Variants in ENTPD4 observed in about 807,000 individuals in gnomAD.
The protein encoded by ENTPD4 is Golgi UDPase.
Under a neutral mutation model 79.1 loss-of-function variants are expected in ENTPD4, and 60 were observed. That is an observed-to-expected ratio of 0.76 (90% CI 0.62 to 0.94). ENTPD4 has a LOEUF of 0.94. ENTPD4 is among the 40% of genes least tolerant of loss of function. ENTPD4 has a pLI of 0.00. For synonymous variants in ENTPD4, 276 were observed against 292.0 expected (o/e 0.95, Z 0.56); for missense variants, 772 against 775.1 (o/e 1.00, Z 0.05).
chr8:23,455,421 T>C (rs541050907), intron 1 of ENTPD4, among the ~76,000 whole-genome samples: 6 of 152,310 alleles, frequency 3.9e-5, no homozygotes, highest in African/African-American at 1.2e-4. Context: ...AAGAAACAAC[T>C]GTCTTTCTGA....
At chr8:23,440,172 A>C in intron 8 of ENTPD4, 1 of 370,272 alleles carries the variant, frequency 2.7e-6, no homozygotes, top group South Asian at 5.4e-5. Context: ...CCTCTGACAT[A>C]ATTTATTTCT....
At chr8:23,433,841 C>G (rs1800506422) in intron 12 of ENTPD4, among the ~76,000 whole-genome samples, 1 of 152,172 alleles carries the variant, frequency 6.6e-6, no homozygotes, top group African/African-American at 2.4e-5. Flanking sequence ...ACAGAAAGTG[C>G]TAATTCTGCT....
At chr8:23,434,120 G>A (rs944014846) in intron 12 of ENTPD4, 197 bp downstream of exon 12, 25 of 626,684 alleles carry the variant, frequency 4.0e-5, no homozygotes, top group Admixed American at 1.2e-4. Context: ...TGTGTATTAC[G>A]GGATGGTAGG....
Position 23,450,010 on chromosome 8 carries a change from G to T in ENTPD4, c.-97-13C>A. 1.5e-6 allele frequency: 2 copies of T among 1,376,638 alleles called. No homozygotes were observed. The highest frequency in any genetic ancestry group is 1.2e-5 in the South Asian group (1 of 85,470). 85.3% of individuals were successfully genotyped at this position (1,376,638 alleles called of 1,614,324 possible). ...AGTTAGAGCCCTCCTGTTCCAGGAA[G>T]TGAGACAAATCACAAAGATAGCATC... is the stretch of plus-strand genomic sequence containing the variant. On this transcript the variant is annotated splice_polypyrimidine_tract_variant and intron_variant, in intron 1 of 12. Coordinates refer to ENST00000358689, the MANE Select transcript of ENTPD4 (RefSeq NM_004901.5).
intron 1 of ENTPD4, among the ~76,000 whole-genome samples, chr8:23,456,633 A>G (rs1406470056): frequency 6.6e-6 from 1 of 152,238 alleles, no homozygotes; most frequent in Non-Finnish European, 1.5e-5. Context: ...GAAATAAACG[A>G]TTCAACTACA....
rs145439408 is a variant in ENTPD4, at chr8:23,449,624, C to G, written c.8+269G>C. On this transcript the variant is annotated intron_variant, in intron 2 of 12. Transcript: ENST00000358689. ...CTCAGTTTATGTCAAGAATGAGAGG[C>G]TCATTCTAGAAATATGATTAGGATT... Among the ~76,000 whole-genome samples the G allele has an allele frequency of 2.1e-4, 32 of 152,300 alleles. No individual in the cohort carries two copies. In the East Asian group the frequency reaches 5.4e-3, roughly 26 times the overall value.
In ENTPD4 at chr8:23,430,218, C is replaced by T. The variant is rs1800431018; in HGVS notation, c.*2708G>A. The T allele has an allele frequency of 1.1e-5, 11 of 985,282 alleles. No individual in the cohort carries two copies. The highest frequency in any genetic ancestry group is 4.7e-5 in the South Asian group (1 of 21,288). 61.0% of individuals were successfully genotyped at this position (985,282 alleles called of 1,614,324 possible). A position where few individuals can be genotyped will look rare whatever the true frequency, so the allele number is the denominator to read the frequency against. ...ACCTTCTCTGGAATGTGATTTGCTG[C>T]GACTGCAGACATCTCCATACGGCAT... On this transcript the variant is annotated 3_prime_UTR_variant, in exon 13 of 13. Transcript: ENST00000358689.
chr8:23,440,831 T>G (rs1214955735), intron 8 of ENTPD4, among the ~76,000 whole-genome samples: 1 of 152,204 alleles, frequency 6.6e-6, no homozygotes, highest in African/African-American at 2.4e-5. Flanking sequence ...GTACATGACT[T>G]GCACAAGGTC....
rs532795403 is a variant in ENTPD4 at position 23,434,530 on chromosome 8, G to GGC, written c.1461-54_1461-53dup. 4.2e-4 allele frequency: 665 copies of GGC among 1,600,488 alleles called. 3 individuals are homozygous for GGC. In the African/African-American group the frequency reaches 8.1e-3, roughly 19 times the overall value. On this transcript the variant is annotated intron_variant, in intron 11 of 12. Coordinates refer to ENST00000358689, the MANE Select transcript of ENTPD4 (RefSeq NM_004901.5). The stretch of plus-strand genomic sequence containing the variant: ...TCAGACTGACTCACTCTGTCAAGAT[G>GGC]GCACACACACACACACACACACAAT...
At chr8:23,434,531 GCACACACACA>G (rs139348326) in intron 11 of ENTPD4, 53 bp from the exon 12 acceptor site, 1 of 1,020,976 alleles carries the variant, frequency 9.8e-7, no homozygotes, top group South Asian at 1.5e-5. Context: ...TGTCAAGATG[GCACACACACA>G]CACACACACA....
At position 23,430,558 on chromosome 8, in the gene ENTPD4, T is replaced by C; in HGVS notation, c.*2368A>G. The C allele has an allele frequency of 1.0e-6, 1 of 984,144 alleles. No homozygotes were observed. 61.0% of individuals were successfully genotyped at this position (984,144 alleles called of 1,614,324 possible). A position where few individuals can be genotyped will look rare whatever the true frequency, so the allele number is the denominator to read the frequency against. On this transcript the variant is annotated 3_prime_UTR_variant, in exon 13 of 13. Coordinates refer to ENST00000358689, the MANE Select transcript of ENTPD4 (RefSeq NM_004901.5). ...AATATTCTAGGCTTTACAGGCCACA[T>C]ATAGTGTCTGCTGCATATTCTTCAA... is the stretch of plus-strand genomic sequence containing the variant.
Position 23,429,985 on chromosome 8 carries a change from T to C in ENTPD4, c.*2941A>G, listed in dbSNP as rs1219406392. 1 of 985,386 alleles carries C rather than the reference T, an allele frequency of 1.0e-6. No homozygotes were observed. Among genetic ancestry groups the C allele is most frequent in the African/African-American group, 1.7e-5 (1 of 57,260 alleles). 61.0% of individuals were successfully genotyped at this position (985,386 alleles called of 1,614,324 possible). A position where few individuals can be genotyped will look rare whatever the true frequency, so the allele number is the denominator to read the frequency against. The stretch of plus-strand genomic sequence containing the variant: ...TAAGCACTTATTGCTGGCATGTTTC[T>C]ACCAAGATTGAACACAATGCTTTTC... On this transcript the variant is annotated 3_prime_UTR_variant, in exon 13 of 13. Transcript: ENST00000358689.
At position 23,431,269 on chromosome 8, in the gene ENTPD4, A is replaced by G; in HGVS notation, c.*1657T>C. 1.1e-6 allele frequency: 1 copy of G among 902,430 alleles called. No individual in the cohort carries two copies. The highest frequency in any genetic ancestry group is 1.3e-6 in the Non-Finnish European group (1 of 754,664). 55.9% of individuals were successfully genotyped at this position (902,430 alleles called of 1,614,324 possible). ...AGTACCTAGTTCCAAAGCCACTTTT[A>G]TAATATCCTCAGTTATCTGTTATAG... is the stretch of plus-strand genomic sequence containing the variant. On this transcript the variant is annotated 3_prime_UTR_variant, in exon 13 of 13. Coordinates refer to ENST00000358689, the MANE Select transcript of ENTPD4 (RefSeq NM_004901.5).
intron 1 of ENTPD4, among the ~76,000 whole-genome samples, chr8:23,451,042 A>G: frequency 7.2e-6 from 1 of 139,034 alleles, no homozygotes. Flanking sequence ...TTTTTTTGAG[A>G]CAGAGTCTTG....
intron 8 of ENTPD4, 66 bp from the exon 9 acceptor site, chr8:23,439,981 G>C (rs1369474345): frequency 1.4e-6 from 2 of 1,423,230 alleles, no homozygotes; most frequent in African/African-American, 1.4e-5. Context: ...AAAAAGAAAA[G>C]TCTAAAAATA....
At chr8:23,456,026 T>C (rs1800951491) in intron 1 of ENTPD4, among the ~76,000 whole-genome samples, 1 of 152,236 alleles carries the variant, frequency 6.6e-6, no homozygotes, top group Non-Finnish European at 1.5e-5. Flanking sequence ...GCCTTCACTG[T>C]GCACGCCACA....
In ENTPD4 at chr8:23,447,842, TA is replaced by T; in HGVS notation, c.249del (p.Asn83LysfsTer5). The T allele has an allele frequency of 6.2e-7, 1 of 1,614,226 alleles. No homozygotes were observed. Among genetic ancestry groups the T allele is most frequent in the Non-Finnish European group, 8.5e-7 (1 of 1,180,022 alleles). ...ACGATCCCATAGTTCACATTGGGGT[TA>T]TTGGTGTCTGTAGCTTCAATGTCGG... is the stretch of plus-strand genomic sequence containing the variant. ...RVTDIEATDT[N>X]NPNVNYGIVV... On this transcript the variant is annotated frameshift_variant, in exon 4 of 13. Coordinates refer to ENST00000358689, the MANE Select transcript of ENTPD4 (RefSeq NM_004901.5). LOFTEE classifies it high-confidence loss of function.
chr8:23,441,439 C>A (rs1338144577), intron 8 of ENTPD4, 130 bp downstream of exon 8: 2 of 1,489,072 alleles, frequency 1.3e-6, no homozygotes, highest in Admixed American at 4.8e-5. Context: ...CTCCTTTCTC[C>A]TGGGTTGAGA....
chr8:23,447,628 G>A, intron 4 of ENTPD4, 52 bp downstream of exon 4: 1 of 1,412,798 alleles, frequency 7.1e-7, no homozygotes, highest in East Asian at 2.3e-5. Flanking sequence ...AGACGCCACA[G>A]AGAATGAAGG....
Sources: gnomAD v4.1 joint callset for allele counts (sites outside exome capture counted in the v4.1 genomes callset) on GRCh38, gnomAD v4.1.1 for gene constraint, MANE v1.5 for transcripts, NCBI Gene and HGNC (gene_info 2026-07-23, HGNC 2026-07-21) for gene names.